ZNF300: variants seen among roughly 807,000 people sequenced by gnomAD.
ZNF300 encodes the protein kruppel-like zinc finger protein.
In ZNF300, 6 loss-of-function variants were observed where a neutral mutation model predicts 13.9. The observed-to-expected ratio is 0.43, with a 90% confidence interval of 0.24 to 0.85. The LOEUF (loss-of-function observed/expected upper bound fraction) is 0.85. ZNF300 is among the 40% of genes least tolerant of loss of function. The pLI is 0.25. For missense variants in ZNF300, 662 were observed against 714.2 expected (o/e 0.93, Z 0.83); for synonymous variants, 237 against 242.2 (o/e 0.98, Z 0.20).
chr5:150,899,889 G>C (rs1488895569), intron 3 of ZNF300, among the ~76,000 whole-genome samples: 1 of 152,060 alleles, frequency 6.6e-6, no homozygotes, highest in Non-Finnish European at 1.5e-5. Context: ...GAATGAAAAT[G>C]ATTATTTCAA....
intron 1 of ZNF300, among the ~76,000 whole-genome samples, 155 bp downstream of exon 1, chr5:150,904,549 C>T (rs951584274): frequency 9.2e-5 from 14 of 151,878 alleles, no homozygotes; most frequent in African/African-American, 3.4e-4. Context: ...ATAGACACCC[C>T]CTCACCTCTC....
chr5:150,900,206 G>A (rs375841169), intron 3 of ZNF300, among the ~76,000 whole-genome samples: 5 of 152,174 alleles, frequency 3.3e-5, no homozygotes, highest in African/African-American at 1.2e-4. Flanking sequence ...GACTACTGCA[G>A]TCCAAACTGC....
intron 5 of ZNF300, 143 bp from the exon 6 acceptor site, chr5:150,897,116 C>T: frequency 1.7e-6 from 1 of 601,196 alleles, no homozygotes. Flanking sequence ...GACAGTACAG[C>T]ATATAGTGTT....
At chr5:150,903,573 C>T (rs2113038637) in intron 2 of ZNF300, among the ~76,000 whole-genome samples, 1 of 152,250 alleles carries the variant, frequency 6.6e-6, no homozygotes, top group South Asian at 2.1e-4. Context: ...AGCTCCTTGG[C>T]AGTAAGAATG....
chr5:150,903,063 T>G, intron 3 of ZNF300, 78 bp downstream of exon 3: 2 of 1,443,132 alleles, frequency 1.4e-6, no homozygotes, highest in Non-Finnish European at 1.9e-6. Context: ...TTCATCCAGA[T>G]TTTAGCTAAC....
At position 150,895,869 on chromosome 5, in the gene ZNF300, A is replaced by G; in HGVS notation, c.1370T>C (p.Leu457Ser). The change falls in exon 6 of 6, where the codon TTA becomes TCA. Residue 457 changes from leucine to serine, a missense_variant. Physicochemically the swap from Leu to Ser is moderately radical, Grantham distance 145 (BLOSUM62 -2). Coordinates refer to ENST00000274599, the MANE Select transcript of ZNF300 (RefSeq NM_052860.4). ...ATAAGGTTTTTCCCCAGTATGAACT[A>G]ACTGATGTGTAATGAGTTCTGTCTT... ...SRKTELITHQ[L>S]VHTGEKPYEC... The G allele has an allele frequency of 6.2e-7, 1 of 1,612,984 alleles. No homozygotes were observed. The highest frequency in any genetic ancestry group is 1.3e-5 in the African/African-American group (1 of 74,784).
rs148393386 is a variant in ZNF300, at chr5:150,902,721, C to T, written c.15+420G>A. ...GTTTGGCTAGACATTATGATACATC[C>T]CCTCTAAAAAAGATCGTTTTAAGAC... On this transcript the variant is annotated intron_variant, in intron 3 of 5. Coordinates refer to ENST00000274599, the MANE Select transcript of ZNF300 (RefSeq NM_052860.4). Among the ~76,000 whole-genome samples the T allele has an allele frequency of 1.0e-3, 154 of 152,210 alleles. 1 individual carries two copies. The highest frequency in any genetic ancestry group is 3.6e-3 in the African/African-American group (148 of 41,536).
In ZNF300 at chr5:150,903,043, C is replaced by T. The variant is rs915098034; in HGVS notation, c.15+98G>A. ...TCGAGGTCTTGATCTTTGTTGTTACCACCTTTTCCTTCATCCAGATTTTAG... is the reference window on the plus strand; with the variant it reads ...TCGAGGTCTTGATCTTTGTTGTTACTACCTTTTCCTTCATCCAGATTTTAG... On this transcript the variant is annotated intron_variant, in intron 3 of 5. Transcript: ENST00000274599. The T allele has an allele frequency of 3.9e-6, 5 of 1,272,070 alleles. No individual in the cohort carries two copies. In the African/African-American group the frequency reaches 4.5e-5, roughly 12 times the overall value. 78.8% of individuals were successfully genotyped at this position (1,272,070 alleles called of 1,614,324 possible).
At chr5:150,901,928 A>G (rs1235943029) in intron 3 of ZNF300, among the ~76,000 whole-genome samples, 1 of 151,882 alleles carries the variant, frequency 6.6e-6, no homozygotes, top group Non-Finnish European at 1.5e-5. Context: ...GCAGAACAAA[A>G]TATTTACTAT....
chr5:150,895,506 T>A lies in ZNF300; in HGVS notation c.1733A>T (p.Gln578Leu). The change falls in exon 6 of 6, where the codon CAA becomes CTA. Residue 578 changes from glutamine to leucine, a missense_variant. Gln to Leu is a moderately radical substitution (Grantham distance 113). Transcript: ENST00000274599. ...GAAGGCCTTCCCACATATAGCACAT[T>A]GATAGGGTCTTTCCCCAGTATGAAT... Reference protein sequence around the residue: ...QRIHTGERPYQCAICGKAFIQ... With the variant: ...QRIHTGERPYLCAICGKAFIQ... 1 of 1,613,544 alleles carries A rather than the reference T, an allele frequency of 6.2e-7. No homozygotes were observed.
intron 4 of ZNF300, 53 bp downstream of exon 4, chr5:150,898,375 A>C (rs1213903737): frequency 8.1e-6 from 13 of 1,612,930 alleles, no homozygotes; most frequent in Non-Finnish European, 1.1e-5. Context: ...GCAACTAGTA[A>C]GGAAAGGCAC....
chr5:150,903,400 T>G (rs886797982), intron 2 of ZNF300: 1 of 1,528,850 alleles, frequency 6.5e-7, no homozygotes, highest in African/African-American at 1.4e-5. Flanking sequence ...TATGATCACA[T>G]AGAAGTTGAC....
rs748667386 is a variant in ZNF300 at position 150,896,024 on chromosome 5, T to G, written c.1215A>C (p.Gly405=). 5.0e-6 allele frequency: 8 copies of G among 1,613,388 alleles called. No individual in the cohort carries two copies. Among genetic ancestry groups the G allele is most frequent in the Non-Finnish European group, 5.9e-6 (7 of 1,179,708 alleles). ...QLIIHHRAHT[G]EKPYECTECG... ...ATTCGGTACACTCATACGGCTTCTCTCCAGTATGAGCTCTGTGGTGTATAA... is the reference window on the plus strand; with the variant it reads ...ATTCGGTACACTCATACGGCTTCTCGCCAGTATGAGCTCTGTGGTGTATAA... Residue 405 remains glycine (G), a synonymous_variant, in exon 6 of 6, where the codon GGA becomes GGC. Coordinates refer to ENST00000274599, the MANE Select transcript of ZNF300 (RefSeq NM_052860.4).
intron 3 of ZNF300, among the ~76,000 whole-genome samples, 161 bp from the exon 4 acceptor site, chr5:150,898,715 A>G (rs1432776878): frequency 6.6e-6 from 1 of 151,998 alleles, no homozygotes; most frequent in Non-Finnish European, 1.5e-5. Flanking sequence ...GAGGAGAAAA[A>G]AAGAGGTAAA....
intron 3 of ZNF300, among the ~76,000 whole-genome samples, chr5:150,902,448 A>G (rs1397412594): frequency 6.6e-6 from 1 of 152,192 alleles, no homozygotes; most frequent in Non-Finnish European, 1.5e-5. Flanking sequence ...TCTGTAATCA[A>G]TTTGTTCCTT....
Position 150,896,140 on chromosome 5 carries a change from G to T in ZNF300, c.1099C>A (p.Pro367Thr). Residue 367 changes from proline (P) to threonine (T), a missense_variant, in exon 6 of 6, where the codon CCC (proline) becomes ACC (threonine). Pro to Thr is a conservative substitution (Grantham distance 38). Transcript: ENST00000274599. The part of the protein sequence containing the change: ...ECGKAFSQKS[P>T]LIIHQRIHTG... ...TGTATTCTCTGATGTATAATGAGGG[G>T]TGATTTCTGGGAGAAGGCTTTCCCG... 6.2e-7 allele frequency: 1 copy of T among 1,613,284 alleles called. No homozygotes were observed. Among genetic ancestry groups the T allele is most frequent in the South Asian group, 1.1e-5 (1 of 91,040 alleles).
chr5:150,904,676 C>T (rs1173549954), intron 1 of ZNF300, 28 bp downstream of exon 1: 1 of 152,840 alleles, frequency 6.5e-6, no homozygotes, highest in Non-Finnish European at 1.5e-5. Flanking sequence ...GGGCTCCTCT[C>T]CTCCCATTAC....
intron 3 of ZNF300, among the ~76,000 whole-genome samples, chr5:150,899,433 G>A (rs1189541829): frequency 6.6e-6 from 1 of 151,758 alleles, no homozygotes; most frequent in East Asian, 1.9e-4. Context: ...AAAAAGAAAA[G>A]CTACATTTAG....
At position 150,896,028 on chromosome 5, in the gene ZNF300, G is replaced by A. The variant is rs1227418526; in HGVS notation, c.1211C>T (p.Thr404Ile). The change falls in exon 6 of 6, where the codon ACT becomes ATT. Residue 404 changes from threonine (T) to isoleucine (I), a missense_variant. Thr to Ile is a moderately conservative substitution (Grantham distance 89). Transcript: ENST00000274599. Reference protein sequence around the residue: ...SQLIIHHRAHTGEKPYECTEC... With the variant: ...SQLIIHHRAHIGEKPYECTEC... The stretch of plus-strand genomic sequence containing the variant: ...GGTACACTCATACGGCTTCTCTCCA[G>A]TATGAGCTCTGTGGTGTATAATCAG... 9 of 1,613,372 alleles carry A rather than the reference G, an allele frequency of 5.6e-6. No homozygotes were observed. Among genetic ancestry groups the A allele is most frequent in the African/African-American group, 2.7e-5 (2 of 74,838 alleles).
Sources: allele counts gnomAD v4.1 joint callset (sites outside exome capture counted in the v4.1 genomes callset), GRCh38; gene constraint gnomAD v4.1.1; transcripts MANE v1.5; gene names NCBI Gene and HGNC (gene_info 2026-07-23, HGNC 2026-07-21).